The following DMC1 variants were observed in gnomAD, a reference collection of about 807,000 sequenced individuals.
The protein encoded by DMC1 is DNA meiotic recombinase 1, also known as meiotic recombination protein DMC1 homolog.
Under a neutral mutation model 50.1 loss-of-function variants are expected in DMC1, and 27 were observed. The observed-to-expected ratio is 0.54, with a 90% CI of 0.40 to 0.74. The LOEUF is 0.74. DMC1 is among the 30% of genes least tolerant of loss of function. The pLI is 0.00. For synonymous variants in DMC1, 148 were observed against 136.1 expected, an observed-to-expected ratio of 1.09 and a Z score of -0.61; for missense variants, 295 against 420.2, an observed-to-expected ratio of 0.70 and a Z score of 2.60.
chr22:38,534,187 AC>A (rs2090185758), intron 12 of DMC1, among the ~76,000 whole-genome samples: 1 of 152,228 alleles, frequency 6.6e-6, no homozygotes, highest in Admixed American at 6.5e-5. Flanking sequence ...ACTATAAAGG[AC>A]ATTATTGGGG....
At chr22:38,514,534 G>A (rs1479779645), downstream of DMC1, among the ~76,000 whole-genome samples, 1 of 151,946 alleles carries the variant, frequency 6.6e-6, no homozygotes, top group East Asian at 1.9e-4. Context: ...GAGCCACCAG[G>A]CATTCTTAAT....
intron 8 of DMC1, among the ~76,000 whole-genome samples, chr22:38,545,304 G>C (rs191970430): frequency 6.6e-6 from 1 of 152,282 alleles, no homozygotes; most frequent in East Asian, 1.9e-4. Flanking sequence ...CCAGTTACTT[G>C]AGAAGCTGAG....
the DMC1 span, among the ~76,000 whole-genome samples, chr22:38,513,396 T>C: frequency 6.6e-6 from 1 of 152,204 alleles, no homozygotes; most frequent in Admixed American, 6.6e-5. Flanking sequence ...ACAAGTGTTA[T>C]TATGATGGAG....
At chr22:38,568,410 G>A in intron 1 of DMC1, 121 bp from the exon 2 acceptor site, 1 of 725,620 alleles carries the variant, frequency 1.4e-6, no homozygotes, top group Non-Finnish European at 2.4e-6. Context: ...GAAAGATGAG[G>A]CCAGCCTATC....
chr22:38,511,610 C>T, the DMC1 span, among the ~76,000 whole-genome samples: 1 of 151,812 alleles, frequency 6.6e-6, no homozygotes, highest in Non-Finnish European at 1.5e-5. Flanking sequence ...AAAAATTGAG[C>T]GAGAGAGAGA....
intron 8 of DMC1, among the ~76,000 whole-genome samples, chr22:38,545,340 T>G (rs998926477): frequency 6.6e-5 from 10 of 152,082 alleles, no homozygotes; most frequent in African/African-American, 2.4e-4. Flanking sequence ...GAGTCCTGGA[T>G]GTTGAGGCAG....
intron 12 of DMC1, among the ~76,000 whole-genome samples, chr22:38,529,312 T>C (rs1679532408): frequency 6.6e-6 from 1 of 152,106 alleles, no homozygotes; most frequent in African/African-American, 2.4e-5. Context: ...CCCGGCCAAT[T>C]TTCTTCTATT....
Position 38,564,791 on chromosome 22 carries a change from G to T in DMC1, c.243+1799C>A, listed in dbSNP as rs184616127. ...CATAGAGCAGTTTCCCAAACCCTGA[G>T]TACTGCTCCAGGGCTTTCTTCAACA... On this transcript the variant is annotated intron_variant, in intron 4 of 13. Coordinates refer to ENST00000216024, the MANE Select transcript of DMC1 (RefSeq NM_007068.4). 2.6e-3 allele frequency among the ~76,000 whole-genome samples: 399 copies of T among 152,294 alleles called. 1 individual carries two copies. The highest frequency in any genetic ancestry group is 4.5e-3 in the Non-Finnish European group (303 of 68,026).
At chr22:38,550,164 G>A (rs2090387887) in intron 7 of DMC1, among the ~76,000 whole-genome samples, 167 bp from the exon 8 acceptor site, 1 of 152,026 alleles carries the variant, frequency 6.6e-6, no homozygotes, top group Admixed American at 6.6e-5. Context: ...TACTTAACCA[G>A]TGTGAAATTA....
intron 12 of DMC1, among the ~76,000 whole-genome samples, chr22:38,523,265 A>G (rs1277202620): frequency 6.6e-6 from 1 of 152,226 alleles, no homozygotes; most frequent in African/African-American, 2.4e-5. Context: ...TAGTAAAGCA[A>G]TAAAGCCTTC....
chr22:38,554,108 G>A (rs1183989003), intron 6 of DMC1, among the ~76,000 whole-genome samples: 2 of 151,792 alleles, frequency 1.3e-5, no homozygotes, highest in East Asian at 3.9e-4. Context: ...CAGCCTGGGA[G>A]ACAGAGCAAG....
intron 12 of DMC1, among the ~76,000 whole-genome samples, chr22:38,527,293 C>A (rs1440040407): frequency 6.6e-6 from 1 of 152,080 alleles, no homozygotes; most frequent in African/African-American, 2.4e-5. Context: ...CAGCCTCCGC[C>A]TCCCCAGTTC....
chr22:38,534,720 G>A (rs1038208457), intron 12 of DMC1, among the ~76,000 whole-genome samples: 1 of 151,058 alleles, frequency 6.6e-6, no homozygotes, highest in African/African-American at 2.4e-5. Flanking sequence ...AAACAAACAC[G>A]ACTGAGTGCG....
chr22:38,566,579 A>G lies in DMC1; in HGVS notation c.243+11T>C. On this transcript the variant is annotated intron_variant, in intron 4 of 13. Transcript: ENST00000216024. ...GCCAAGCTAAAACAGCAAAGAATGG[A>G]TTTTGCTTACAATTAGTTTGTTCGC... 1 of 1,614,078 alleles carries G rather than the reference A, an allele frequency of 6.2e-7. No homozygotes were observed. The highest frequency in any genetic ancestry group is 8.5e-7 in the Non-Finnish European group (1 of 1,179,972).
chr22:38,561,655 G>A (rs2090529035), intron 5 of DMC1, among the ~76,000 whole-genome samples: 1 of 152,146 alleles, frequency 6.6e-6, no homozygotes, highest in Non-Finnish European at 1.5e-5. Flanking sequence ...AGGTATATTT[G>A]ACTATGAAAT....
At chr22:38,516,025 G>A (rs1446744016), downstream of DMC1, among the ~76,000 whole-genome samples, 1 of 152,070 alleles carries the variant, frequency 6.6e-6, no homozygotes, top group East Asian at 1.9e-4. Context: ...CCAGACCTAT[G>A]TCTACACTCA....
At chr22:38,511,583 C>T in the DMC1 span, among the ~76,000 whole-genome samples, 1 of 152,018 alleles carries the variant, frequency 6.6e-6, no homozygotes, top group African/African-American at 2.4e-5. Flanking sequence ...GAGAGAGACC[C>T]TGTAACCTCT....
intron 11 of DMC1, 27 bp from the exon 12 acceptor site, chr22:38,537,679 C>T (rs1258638133): frequency 1.9e-6 from 3 of 1,584,788 alleles, no homozygotes; most frequent in South Asian, 2.2e-5. Context: ...AATTTTAAAA[C>T]TATGAGAAAG....
chr22:38,569,058 C>T (rs962048662), intron 1 of DMC1, among the ~76,000 whole-genome samples: 1 of 151,818 alleles, frequency 6.6e-6, no homozygotes, highest in African/African-American at 2.4e-5. Flanking sequence ...GTGGTGGGCG[C>T]CCGTAATCCC....
Sources: gnomAD v4.1 joint callset for allele counts (sites outside exome capture counted in the v4.1 genomes callset) on GRCh38, gnomAD v4.1.1 for gene constraint, MANE v1.5 for transcripts, NCBI Gene and HGNC (gene_info 2026-07-23, HGNC 2026-07-21) for gene names.